The following ATP6V0A4 variants were observed in gnomAD, a reference collection of about 807,000 sequenced individuals.
ATP6V0A4 encodes ATPase H+ transporting V0 subunit a4, also known as V-type proton ATPase 116 kDa subunit a 4.
In ATP6V0A4, 86 loss-of-function variants were observed where a neutral mutation model predicts 107.3. The observed-to-expected ratio is 0.80, with a 90% CI of 0.67 to 0.96. The LOEUF (loss-of-function observed/expected upper bound fraction) is 0.96. Ranked by LOEUF, ATP6V0A4 falls within the 40% of genes least tolerant of loss-of-function variation. The pLI is 0.00. For synonymous variants in ATP6V0A4, 353 were observed against 381.4 expected (o/e 0.93, Z 0.87); for missense variants, 908 against 1,045.6 (o/e 0.87, Z 1.81).
Position 138,745,266 on chromosome 7 carries a change from G to A in ATP6V0A4, c.1335C>T (p.Phe445=). Residue 445 remains phenylalanine (F), a synonymous_variant, in exon 14 of 22, where the codon TTC becomes TTT. Transcript: ENST00000310018. ...GTAGGATCAGATAGCGCCCGTGGAA[G>A]AAGGTGTTCCAAATCTGGCCTCAGA... ...QKTDNEIWNT[F]FHGRYLILLM... The A allele has an allele frequency of 6.2e-7, 1 of 1,614,142 alleles. No homozygotes were observed. Among genetic ancestry groups the A allele is most frequent in the Non-Finnish European group, 8.5e-7 (1 of 1,180,006 alleles).
At chr7:138,770,970 A>G (rs1807350929) in intron 3 of ATP6V0A4, among the ~76,000 whole-genome samples, 161 bp downstream of exon 3, 1 of 152,208 alleles carries the variant, frequency 6.6e-6, no homozygotes, top group Non-Finnish European at 1.5e-5. Flanking sequence ...TGGTCATGAC[A>G]AATCCTAGCC....
chr7:138,734,108 C>T (rs1451291532), intron 16 of ATP6V0A4, 28 bp downstream of exon 16: 147 of 1,586,714 alleles, frequency 9.3e-5, no homozygotes, highest in Non-Finnish European at 1.2e-4. Flanking sequence ...TCAGACAGAG[C>T]AGGCAGAGAG....
intron 21 of ATP6V0A4, among the ~76,000 whole-genome samples, chr7:138,707,166 T>A (rs186011952): frequency 4.0e-5 from 3 of 74,578 alleles, no homozygotes; most frequent in East Asian, 3.1e-4. Context: ...ATATAATATA[T>A]TATATATATT....
intron 1 of ATP6V0A4, among the ~76,000 whole-genome samples, chr7:138,792,772 T>TGTTG (rs769047917): frequency 4.3e-5 from 5 of 115,288 alleles, no homozygotes; most frequent in Admixed American, 1.7e-4. Flanking sequence ...GTTTGTTTTT[T>TGTTG]TTTTTGTTGT....
intron 21 of ATP6V0A4, among the ~76,000 whole-genome samples, chr7:138,707,359 T>TATATTATATATATTTATATATATATA: frequency 9.2e-6 from 1 of 108,190 alleles, no homozygotes; most frequent in Non-Finnish European, 1.7e-5. Flanking sequence ...TAATATATAT[T>TATATTATATATATTTATATATATATA]ATATTATATA....
In ATP6V0A4 at chr7:138,795,554, A is replaced by G. The variant is rs1457219412; in HGVS notation, c.-121+2480T>C. On this transcript the variant is annotated intron_variant, in intron 1 of 21. Transcript: ENST00000310018. ...AAATGCACCCAGCGTCCCACATTAA[A>G]TCGTTTCCGTTTAAACATTTCAAGT... Among the ~76,000 whole-genome samples, 6 of 152,310 alleles carry G rather than the reference A, an allele frequency of 3.9e-5. No individual in the cohort carries two copies. The East Asian group carries it at 1.2e-3, about 29-fold the overall frequency.
At chr7:138,736,069 AAAAC>A (rs544093760) in intron 15 of ATP6V0A4, among the ~76,000 whole-genome samples, 5 of 142,654 alleles carry the variant, frequency 3.5e-5, no homozygotes, top group Admixed American at 1.4e-4. Flanking sequence ...ACTCCATCTC[AAAAC>A]AAACAAACAA....
chr7:138,708,948 C>A (rs1296794532), intron 21 of ATP6V0A4, among the ~76,000 whole-genome samples: 1 of 152,178 alleles, frequency 6.6e-6, no homozygotes, highest in Non-Finnish European at 1.5e-5. Flanking sequence ...ACGGTGCATG[C>A]CTGTAATCCC....
At chr7:138,734,015 A>C in intron 16 of ATP6V0A4, 121 bp downstream of exon 16, 4 of 1,115,980 alleles carry the variant, frequency 3.6e-6, no homozygotes, top group Non-Finnish European at 4.0e-6. Flanking sequence ...TGCCCAGGGA[A>C]GTACCCCTCA....
intron 13 of ATP6V0A4, among the ~76,000 whole-genome samples, chr7:138,745,596 G>A (rs1288298665): frequency 6.7e-6 from 1 of 148,270 alleles, no homozygotes; most frequent in Non-Finnish European, 1.5e-5. Flanking sequence ...AGAATCACTT[G>A]AACCTGGGAG....
At chr7:138,776,488 T>G (rs1164806959) in intron 2 of ATP6V0A4, among the ~76,000 whole-genome samples, 1 of 152,214 alleles carries the variant, frequency 6.6e-6, no homozygotes, top group Non-Finnish European at 1.5e-5. Flanking sequence ...AGAACTGTGT[T>G]GATTCTACCT....
intron 17 of ATP6V0A4, among the ~76,000 whole-genome samples, chr7:138,729,125 T>A (rs1031534783): frequency 6.6e-6 from 1 of 152,196 alleles, no homozygotes; most frequent in East Asian, 1.9e-4. Context: ...CCTTGTACCA[T>A]ACGTAACCAA....
At chr7:138,713,210 C>T (rs757572159) in intron 20 of ATP6V0A4, among the ~76,000 whole-genome samples, 17 of 145,684 alleles carry the variant, frequency 1.2e-4, no homozygotes, top group Non-Finnish European at 2.1e-4. Flanking sequence ...GAGGCTGAGG[C>T]AGAAGAATTG....
At chr7:138,740,424 C>CTTTT (rs1288644564) in intron 14 of ATP6V0A4, among the ~76,000 whole-genome samples, 2 of 128,980 alleles carry the variant, frequency 1.6e-5, no homozygotes, top group Non-Finnish European at 3.4e-5. Context: ...GAAGAAATTT[C>CTTTT]TTTTTTTTTT....
intron 19 of ATP6V0A4, among the ~76,000 whole-genome samples, chr7:138,718,305 T>TGTGC (rs1489756240): frequency 1.8e-5 from 1 of 54,824 alleles, no homozygotes; most frequent in African/African-American, 6.1e-5. Context: ...TGTGTGTGTG[T>TGTGC]GTGTGTGTGT....
At chr7:138,718,734 C>T (rs1435835964) in intron 19 of ATP6V0A4, among the ~76,000 whole-genome samples, 2 of 96,020 alleles carry the variant, frequency 2.1e-5, no homozygotes, top group Admixed American at 9.9e-5. Context: ...GAAGGAATGG[C>T]GGTGCAGTCA....
intron 1 of ATP6V0A4, 110 bp from the exon 2 acceptor site, chr7:138,786,370 C>T (rs1808177451): frequency 1.3e-5 from 2 of 152,172 alleles, no homozygotes; most frequent in African/African-American, 4.8e-5. Context: ...TTGCTTGAGC[C>T]CAGGAGTCTG....
intron 17 of ATP6V0A4, 54 bp from the exon 18 acceptor site, chr7:138,728,916 C>T (rs762555845): frequency 2.4e-5 from 38 of 1,612,758 alleles, no homozygotes; most frequent in Non-Finnish European, 3.2e-5. Context: ...GAACAGCACA[C>T]TTTACGTGAT....
intron 19 of ATP6V0A4, among the ~76,000 whole-genome samples, chr7:138,717,890 A>C (rs1804127991): frequency 1.5e-5 from 2 of 134,756 alleles, no homozygotes; most frequent in Admixed American, 8.2e-5. Flanking sequence ...CCTGGGCGAC[A>C]CAGTGAGACT....
Sources: gnomAD v4.1 joint callset for allele counts (sites outside exome capture counted in the v4.1 genomes callset) on GRCh38, gnomAD v4.1.1 for gene constraint, MANE v1.5 for transcripts, NCBI Gene and HGNC (gene_info 2026-07-23, HGNC 2026-07-21) for gene names.